Variants in G6PD observed in about 807,000 individuals in gnomAD.
G6PD encodes the protein glucose-6-phosphate 1-dehydrogenase.
A neutral mutation model predicts 38.2 loss-of-function variants in G6PD; 2 were observed. That is an observed-to-expected ratio of 0.05 (90% CI 0.02 to 0.16). G6PD has a LOEUF of 0.16. Ranked by LOEUF, G6PD falls within the 10% of genes least tolerant of loss-of-function variation. The pLI is 1.00. For synonymous variants in G6PD, 188 were observed against 196.0 expected, an observed-to-expected ratio of 0.96 and a Z score of 0.34; for missense variants, 310 against 471.6, an observed-to-expected ratio of 0.66 and a Z score of 3.17.
chrX:154,537,801 CT>C (rs1480397999), intron 2 of G6PD, among the ~76,000 whole-genome samples: 2 of 111,387 alleles, frequency 1.8e-5, no homozygotes, highest in African/African-American at 6.5e-5. Context: ...CCCAAGCCAC[CT>C]TATGGGGCCT....
intron 8 of G6PD, 68 bp from the exon 9 acceptor site, chrX:154,533,196 C>T: frequency 1.8e-6 from 2 of 1,115,654 alleles, no homozygotes; most frequent in Middle Eastern, 2.4e-4. Context: ...ATGACTGTGG[C>T]CACAGATGTG....
At chrX:154,546,726 C>T (rs1428342996) in intron 1 of G6PD, 63 bp downstream of exon 1, 2 of 955,620 alleles carry the variant, frequency 2.1e-6, no homozygotes, top group Non-Finnish European at 1.4e-6. Flanking sequence ...TATTTTACCG[C>T]CGCGCGGCGC....
At chrX:154,545,894 A>ATGATCC in intron 2 of G6PD, 142 bp downstream of exon 2, 3 of 711,759 alleles carry the variant, frequency 4.2e-6, no homozygotes, top group Non-Finnish European at 6.4e-6. Flanking sequence ...TAGAGCCGGG[A>ATGATCC]TGATCCTGGC....
intron 2 of G6PD, chrX:154,541,397 A>G (rs1264281063): frequency 2.7e-5 from 3 of 111,606 alleles, no homozygotes; most frequent in Non-Finnish European, 5.7e-5. Flanking sequence ...GTGAGGTAAG[A>G]CGGACAGTAG....
chrX:154,531,905 C>T lies in G6PD; in HGVS notation c.*95G>A. 3 of 1,141,575 alleles carry T rather than the reference C, an allele frequency of 2.6e-6. No individual in the cohort carries two copies. Among genetic ancestry groups the T allele is most frequent in the Non-Finnish European group, 3.5e-6 (3 of 856,192 alleles). The allele number at this position is 1,141,575 out of a possible 1,213,427, so 94.1% of individuals were successfully genotyped here. ...GCCAGAGCCCGGGGCCAGGAATGTG[C>T]AGCTGAGGTCAATGGTCCCGGAGTC... On this transcript the variant is annotated 3_prime_UTR_variant, in exon 13 of 13. Transcript: ENST00000393562.
chrX:154,533,750 G>A (rs1557230107), intron 7 of G6PD, 81 bp from the exon 8 acceptor site: 4 of 1,191,469 alleles, frequency 3.4e-6, no homozygotes, highest in Non-Finnish European at 3.4e-6. Context: ...CCCAAACAAG[G>A]CTTCCTAGTG....
chrX:154,538,159 AATTTTTTGT>A (rs1283456640), intron 2 of G6PD, among the ~76,000 whole-genome samples: 6 of 110,609 alleles, frequency 5.4e-5, no homozygotes, highest in African/African-American at 1.6e-4. Flanking sequence ...ACACCCAGCT[AATTTTTTGT>A]ATTTTTTGTA....
chrX:154,535,983 C>T lies in G6PD; in HGVS notation c.221G>A (p.Arg74His), dbSNP rs782764007. 4.4e-5 allele frequency: 53 copies of T among 1,210,162 alleles called. No homozygotes were observed. The highest frequency in any genetic ancestry group is 7.0e-5 in the South Asian group (4 of 56,875). Residue 74 changes from arginine (R) to histidine (H), a missense_variant, in exon 4 of 13, where the codon CGC (arginine) becomes CAC (histidine). This residue lies in a region of G6PD where 17 missense variants were observed against 40.8 expected (regional missense o/e 0.42). Coordinates refer to ENST00000393562, the MANE Select transcript of G6PD (RefSeq NM_001360016.2). ...NTFIVGYARS[R>H]LTVADIRKQS... The stretch of plus-strand genomic sequence containing the variant: ...TTTGCGGATGTCAGCCACTGTGAGG[C>T]GGGAACGGGCATAGCCCACGATGAA...
At chrX:154,535,616 C>T (rs925273165) in intron 4 of G6PD, 49 of 453,891 alleles carry the variant, frequency 1.1e-4, no homozygotes, top group Non-Finnish European at 1.7e-4. Context: ...GGCTGGGACC[C>T]CTGTGCCTTA....
In G6PD at chrX:154,531,955, G is replaced by A. The variant is rs782020659; in HGVS notation, c.*45C>T. On this transcript the variant is annotated 3_prime_UTR_variant, in exon 13 of 13. Coordinates refer to ENST00000393562, the MANE Select transcript of G6PD (RefSeq NM_001360016.2). ...CCTCCCGACTCGGGGTCGGGCGGCG[G>A]GAAGGAGGGTGGCCGTGGCGGGGGT... 14 of 1,192,171 alleles carry A rather than the reference G, an allele frequency of 1.2e-5. No individual in the cohort carries two copies. The highest frequency in any genetic ancestry group is 1.7e-5 in the African/African-American group (1 of 57,509).
intron 2 of G6PD, among the ~76,000 whole-genome samples, chrX:154,545,368 T>C (rs2070670592): frequency 1.8e-5 from 2 of 111,698 alleles, no homozygotes; most frequent in South Asian, 7.4e-4. Context: ...GAGGCAGAGA[T>C]CAGGCCTCAG....
rs80149725 is a variant in G6PD at position 154,534,493 on chromosome X, G to A, written c.489C>T (p.Gly163=). 2 of 1,211,514 alleles carry A rather than the reference G, an allele frequency of 1.7e-6. No homozygotes were observed. Among genetic ancestry groups the A allele is most frequent in the Non-Finnish European group, 2.2e-6 (2 of 895,457 alleles). ...GCTTCTCCACGATGATGCGGTTCCA[G>A]CCTCTGCTGGGAGCCCGGAGCTGCG... ...NIHESCMSQI[G]WNRIIVEKPF... Residue 163 remains glycine, a synonymous_variant, in exon 6 of 13, where the codon GGC becomes GGT. Coordinates refer to ENST00000393562, the MANE Select transcript of G6PD (RefSeq NM_001360016.2).
At chrX:154,533,359 T>TA in intron 8 of G6PD, 1 of 500,417 alleles carries the variant, frequency 2.0e-6, no homozygotes, top group Non-Finnish European at 3.3e-6. Flanking sequence ...GGCAATGGCC[T>TA]TCCCTGGTCA....
At position 154,535,206 on chromosome X, in the gene G6PD, G is replaced by A. The variant is rs1557230574; in HGVS notation, c.447C>T (p.Ala149=). ...AGGACTCGTGAATGTTCTTGGTGAC[G>A]GCCTCGTAGACGGTCGGGGGCAAGG... ...YLALPPTVYE[A]VTKNIHESCM... The change falls in exon 5 of 13, where the codon GCC becomes GCT. Residue 149 remains alanine (A), a synonymous_variant. Coordinates refer to ENST00000393562, the MANE Select transcript of G6PD (RefSeq NM_001360016.2). 6 of 1,211,568 alleles carry A rather than the reference G, an allele frequency of 5.0e-6. No individual in the cohort carries two copies. Among genetic ancestry groups the A allele is most frequent in the South Asian group, 1.8e-5 (1 of 56,959 alleles).
At chrX:154,544,055 A>C (rs782121298) in intron 2 of G6PD, among the ~76,000 whole-genome samples, 18 of 109,330 alleles carry the variant, frequency 1.6e-4, no homozygotes, top group Middle Eastern at 4.6e-3. Context: ...TAGAGACGGG[A>C]TTTCACCATG....
rs2070334823 is a variant in G6PD at position 154,531,538 on chromosome X, G to A, written c.*462C>T. The stretch of plus-strand genomic sequence containing the variant: ...TGGTGGGACAGGGGACATCCAGGGG[G>A]CTCGAGATGTTGCTGGTGACAAGGA... On this transcript the variant is annotated 3_prime_UTR_variant, in exon 13 of 13. Coordinates refer to ENST00000393562, the MANE Select transcript of G6PD (RefSeq NM_001360016.2). 1.1e-5 allele frequency: 2 copies of A among 177,064 alleles called. No homozygotes were observed. Among genetic ancestry groups the A allele is most frequent in the East Asian group, 1.5e-4 (1 of 6,616 alleles). The allele number at this position is 177,064 out of a possible 1,213,427, so 14.6% of individuals were successfully genotyped here.
Position 154,546,801 on chromosome X carries a change from G to A in G6PD, c.-21C>T. 1.7e-6 allele frequency: 2 copies of A among 1,161,678 alleles called. No individual in the cohort carries two copies. The highest frequency in any genetic ancestry group is 1.1e-6 in the Non-Finnish European group (1 of 872,500). On this transcript the variant is annotated 5_prime_UTR_variant, in exon 1 of 13. It adds an upstream start codon to the 5' untranslated region. Transcript: ENST00000393562. ...CCCGGCCGGTTACCTGCGCTTCGTCGTCGTCGCCCTCCGCGCTCGCAGCCC... is the reference window on the plus strand; with the variant it reads ...CCCGGCCGGTTACCTGCGCTTCGTCATCGTCGCCCTCCGCGCTCGCAGCCC...
At chrX:154,539,946 C>T (rs1487097108) in intron 2 of G6PD, among the ~76,000 whole-genome samples, 1 of 110,122 alleles carries the variant, frequency 9.1e-6, no homozygotes, top group East Asian at 3.0e-4. Flanking sequence ...TGGCCTCAAA[C>T]TCCTGACCTT....
At chrX:154,542,416 A>G (rs1287597708) in intron 2 of G6PD, 2 of 1,196,985 alleles carry the variant, frequency 1.7e-6, no homozygotes, top group Middle Eastern at 2.3e-4. Flanking sequence ...CCAGGCGCAC[A>G]CTAGTCTACA....
Sources: allele counts gnomAD v4.1 joint callset (sites outside exome capture counted in the v4.1 genomes callset), GRCh38; gene constraint gnomAD v4.1.1; regional missense constraint gnomAD v4.1.1; transcripts MANE v1.5; gene names NCBI Gene and HGNC (gene_info 2026-07-23, HGNC 2026-07-21).